USP25: variants seen among roughly 807,000 people sequenced by gnomAD.
USP25 encodes the protein ubiquitin specific peptidase 25.
In USP25, 85 loss-of-function variants were observed where a neutral mutation model predicts 158.5. The observed-to-expected ratio is 0.54, with a 90% confidence interval of 0.45 to 0.64. The LOEUF is 0.64. Ranked by LOEUF, USP25 falls within the 30% of genes least tolerant of loss-of-function variation. The pLI is 0.00. For missense variants in USP25, 1,242 were observed against 1,327.3 expected, an observed-to-expected ratio of 0.94 and a Z score of 1.00; for synonymous variants, 464 against 460.4, an observed-to-expected ratio of 1.01 and a Z score of -0.10.
At chr21:15,761,749 C>G (rs139019743) in intron 1 of USP25, among the ~76,000 whole-genome samples, 67 of 152,290 alleles carry the variant, frequency 4.4e-4, no homozygotes, top group African/African-American at 1.4e-3. Flanking sequence ...AACCCCAAGT[C>G]AAAGGTCAGC....
chr21:15,879,045 G>A lies in USP25; in HGVS notation c.*570G>A, dbSNP rs929119591. 11 of 152,238 alleles carry A rather than the reference G, an allele frequency of 7.2e-5. No homozygotes were observed. Among genetic ancestry groups the A allele is most frequent in the African/African-American group, 2.7e-4 (11 of 41,328 alleles). The allele number at this position is 152,238 out of a possible 1,614,324, so 9.4% of individuals were successfully genotyped here. A position where few individuals can be genotyped will look rare whatever the true frequency, so the allele number is the denominator to read the frequency against. On this transcript the variant is annotated 3_prime_UTR_variant, in exon 26 of 26. Transcript: ENST00000400183. ...ATTCTGCTCTAATGCTAGCAAATTG[G>A]AAAATGTTTAAGTCTTTGACACTTA...
At chr21:15,731,124 C>T (rs1053079686) in intron 1 of USP25, among the ~76,000 whole-genome samples, 1 of 151,574 alleles carries the variant, frequency 6.6e-6, no homozygotes, top group African/African-American at 2.4e-5. Context: ...GTCACACATT[C>T]AAATGGTCAC....
intron 20 of USP25, among the ~76,000 whole-genome samples, chr21:15,852,590 T>C (rs977454532): frequency 6.6e-6 from 1 of 152,146 alleles, no homozygotes; most frequent in African/African-American, 2.4e-5. Flanking sequence ...GGTCCACATA[T>C]AGTCGGAGAT....
intron 1 of USP25, among the ~76,000 whole-genome samples, chr21:15,748,381 A>T (rs2123288057): frequency 6.6e-6 from 1 of 150,894 alleles, no homozygotes; most frequent in African/African-American, 2.4e-5. Context: ...TCCTGGACCC[A>T]CACTATCCTC....
intron 17 of USP25, among the ~76,000 whole-genome samples, chr21:15,839,841 T>G (rs899829712): frequency 2.6e-5 from 4 of 152,172 alleles, no homozygotes; most frequent in Non-Finnish European, 5.9e-5. Context: ...CCTGTCATTA[T>G]GGCATGTTCA....
rs2037000309 is a variant in USP25 at position 15,817,480 on chromosome 21, T to G, written c.932-1218T>G. On this transcript the variant is annotated intron_variant, in intron 9 of 25. Coordinates refer to ENST00000400183, the MANE Select transcript of USP25 (RefSeq NM_001283041.3). ...TTCAGAGACATAAACCTGAGCCTGT[T>G]ATTCTTAGATTTAACCATTCAGTGA... Among the ~76,000 whole-genome samples, 3 of 152,284 alleles carry G rather than the reference T, an allele frequency of 2.0e-5. No individual in the cohort carries two copies. The South Asian group carries it at 6.2e-4, about 32-fold the overall frequency.
At position 15,786,627 on chromosome 21, in the gene USP25, G is replaced by A. The variant is rs143056840; in HGVS notation, c.393-4875G>A. Among the ~76,000 whole-genome samples the A allele has an allele frequency of 3.9e-5, 6 of 151,966 alleles. No homozygotes were observed. In the East Asian group the frequency reaches 7.7e-4, roughly 20 times the overall value. ...ATATAGAAAGTATGTACCTCAACAC[G>A]GTAAAGACCATAGTTGAGAAACCCA... is the stretch of plus-strand genomic sequence containing the variant. On this transcript the variant is annotated intron_variant, in intron 4 of 25. Coordinates refer to ENST00000400183, the MANE Select transcript of USP25 (RefSeq NM_001283041.3).
chr21:15,763,042 A>AT (rs371390594), intron 2 of USP25, 74 bp downstream of exon 2: 9,527 of 1,183,166 alleles, frequency 8.1e-3, no homozygotes, highest in South Asian at 0.01. Flanking sequence ...TTGATAGTTG[A>AT]TTTTTTTTTT....
chr21:15,864,039 T>G (rs901071760), intron 20 of USP25, among the ~76,000 whole-genome samples: 92 of 149,616 alleles, frequency 6.1e-4, no homozygotes, highest in African/African-American at 2.2e-3. Flanking sequence ...TTCTTTTTTT[T>G]TTTTTTTTTT....
intron 5 of USP25, among the ~76,000 whole-genome samples, chr21:15,796,204 A>C (rs181918728): frequency 2.6e-5 from 4 of 151,684 alleles, no homozygotes; most frequent in African/African-American, 4.8e-5. Context: ...GACAGTCCTC[A>C]TATGACTTTG....
At chr21:15,808,787 A>G in intron 7 of USP25, 22 bp from the exon 8 acceptor site, 1 of 1,573,254 alleles carries the variant, frequency 6.4e-7, no homozygotes, top group Non-Finnish European at 8.6e-7. Flanking sequence ...TCAAATATCA[A>G]CAGGCTTTTT....
chr21:15,783,711 A>T (rs1213378543), intron 4 of USP25, among the ~76,000 whole-genome samples: 2 of 152,040 alleles, frequency 1.3e-5, no homozygotes, highest in African/African-American at 2.4e-5. Flanking sequence ...TAATCTCAGC[A>T]CTTTGGGAGG....
At chr21:15,747,028 T>G (rs2032613722) in intron 1 of USP25, among the ~76,000 whole-genome samples, 1 of 152,212 alleles carries the variant, frequency 6.6e-6, no homozygotes, top group South Asian at 2.1e-4. Context: ...GCTTAACCAT[T>G]CTACAGTTAA....
chr21:15,744,655 C>T (rs1157275099), intron 1 of USP25, among the ~76,000 whole-genome samples: 1 of 151,990 alleles, frequency 6.6e-6, no homozygotes, highest in Non-Finnish European at 1.5e-5. Context: ...GTGGTGTGAT[C>T]TCAGCTCACG....
chr21:15,868,094 A>G (rs1237888864), intron 22 of USP25, among the ~76,000 whole-genome samples: 2 of 152,166 alleles, frequency 1.3e-5, no homozygotes, highest in Non-Finnish European at 2.9e-5. Flanking sequence ...TTTTTAATAA[A>G]TGGTTCTGGG....
intron 20 of USP25, among the ~76,000 whole-genome samples, chr21:15,862,550 G>T (rs2039471459): frequency 6.9e-6 from 1 of 144,736 alleles, no homozygotes; most frequent in African/African-American, 2.5e-5. Context: ...TGATTATTAT[G>T]TTTGGTCTCC....
At chr21:15,743,584 G>C (rs2032262868) in intron 1 of USP25, among the ~76,000 whole-genome samples, 1 of 152,184 alleles carries the variant, frequency 6.6e-6, no homozygotes, top group Non-Finnish European at 1.5e-5. Flanking sequence ...CATTCAATTG[G>C]TTTAAAAGCA....
intron 1 of USP25, among the ~76,000 whole-genome samples, chr21:15,752,879 G>A (rs989633183): frequency 1.3e-5 from 2 of 152,152 alleles, no homozygotes; most frequent in Admixed American, 6.5e-5. Context: ...AAAAGATTGA[G>A]AAAAACTTCA....
intron 4 of USP25, among the ~76,000 whole-genome samples, chr21:15,785,917 A>T (rs923825613): frequency 6.6e-6 from 1 of 151,826 alleles, no homozygotes; most frequent in African/African-American, 2.4e-5. Context: ...CTAAGAAAAA[A>T]GGAAAAAAAA....
Sources: allele counts gnomAD v4.1 joint callset (sites outside exome capture counted in the v4.1 genomes callset), GRCh38; gene constraint gnomAD v4.1.1; transcripts MANE v1.5; gene names NCBI Gene and HGNC (gene_info 2026-07-23, HGNC 2026-07-21).